Variants in PTPRS observed in about 807,000 individuals in gnomAD.
PTPRS encodes the protein receptor-type tyrosine-protein phosphatase S.
Under a neutral mutation model 215.3 loss-of-function variants are expected in PTPRS, and 63 were observed. The ratio of observed to expected loss-of-function variants is 0.29; its 90% confidence interval spans 0.24 to 0.36. The LOEUF (loss-of-function observed/expected upper bound fraction) is 0.36, where lower values mean the gene tolerates loss of function less well. Ranked by LOEUF, PTPRS falls within the 10% of genes least tolerant of loss-of-function variation. The pLI is 1.00. For missense variants in PTPRS, 2,258 were observed against 2,825.8 expected (o/e 0.80, Z 4.56); for synonymous variants, 1,404 against 1,191.4 (o/e 1.18, Z -3.68).
intron 2 of PTPRS, among the ~76,000 whole-genome samples, chr19:5,276,515 G>C (rs547702898): frequency 1.4e-5 from 2 of 147,366 alleles, no homozygotes; most frequent in Non-Finnish European, 3.0e-5. Flanking sequence ...GAGCCACTGC[G>C]CCTGGCCTGG....
intron 9 of PTPRS, among the ~76,000 whole-genome samples, chr19:5,254,150 G>A (rs893079444): frequency 1.3e-5 from 2 of 152,204 alleles, no homozygotes; most frequent in African/African-American, 4.8e-5. Context: ...TTTGGTGGAG[G>A]GGCTGGGAGA....
rs760500093 is a variant in PTPRS, at chr19:5,286,254, C to T, written c.-94-20G>A. On this transcript the variant is annotated intron_variant, in intron 1 of 37. Coordinates refer to ENST00000262963, the MANE Select transcript of PTPRS (RefSeq NM_002850.4). ...CAACGTCTGCAGAGACAATGGAGGG[C>T]TGTGAGAGGCGAGTGGGGAAATCCA... 2.4e-5 allele frequency: 28 copies of T among 1,164,372 alleles called. No individual in the cohort carries two copies. Among genetic ancestry groups the T allele is most frequent in the Middle Eastern group, 2.0e-4 (1 of 4,968 alleles). The allele number at this position is 1,164,372 out of a possible 1,614,324, so 72.1% of individuals were successfully genotyped here.
chr19:5,253,997 A>G (rs895679321), intron 9 of PTPRS, among the ~76,000 whole-genome samples: 1 of 152,126 alleles, frequency 6.6e-6, no homozygotes, highest in Non-Finnish European at 1.5e-5. Context: ...GTAGCCAGGG[A>G]GGGGCACAGA....
Position 5,245,875 on chromosome 19 carries a change from C to G in PTPRS, c.889G>C (p.Val297Leu). 1 of 1,614,060 alleles carries G rather than the reference C, an allele frequency of 6.2e-7. No individual in the cohort carries two copies. Among genetic ancestry groups the G allele is most frequent in the Non-Finnish European group, 8.5e-7 (1 of 1,179,998 alleles). Reference protein sequence around the residue: ...PEDDMPVGRNVLELTDVKDSA... With the variant: ...PEDDMPVGRNLLELTDVKDSA... ...TCCTTGACATCTGTGAGTTCCAGCA[C>G]GTTCCGACCCACGGGCATGTCATCC... The change falls in exon 10 of 38, where the codon GTG becomes CTG. Residue 297 changes from valine to leucine, a missense_variant. Val to Leu is a conservative substitution (Grantham distance 32). This residue lies in a region of PTPRS where 508 missense variants were observed against 799.4 expected (regional missense o/e 0.64). Transcript: ENST00000262963.
intron 16 of PTPRS, 53 bp downstream of exon 16, chr19:5,229,263 A>C: frequency 7.3e-7 from 1 of 1,361,448 alleles, no homozygotes; most frequent in Non-Finnish European, 9.5e-7. Context: ...ACAGCACAGC[A>C]CGGCCCGCGG....
At chr19:5,315,061 G>A (rs761923821) in intron 1 of PTPRS, among the ~76,000 whole-genome samples, 3 of 152,130 alleles carry the variant, frequency 2.0e-5, no homozygotes, top group African/African-American at 4.8e-5. Flanking sequence ...CCTTGTGTGG[G>A]AAGCTTTTGC....
chr19:5,313,185 G>A lies in PTPRS; in HGVS notation c.-94-26951C>T, dbSNP rs776149030. Among the ~76,000 whole-genome samples, 53 of 152,228 alleles carry A rather than the reference G, an allele frequency of 3.5e-4. 1 individual carries two copies. The highest frequency in any genetic ancestry group is 1.6e-4 in the Non-Finnish European group (11 of 68,052). ...GCCCGACTCAGCCTCCCAAAGTGCTGGGATGACAGGCATGAGCCACCGTGC... is the reference window on the plus strand; with the variant it reads ...GCCCGACTCAGCCTCCCAAAGTGCTAGGATGACAGGCATGAGCCACCGTGC... On this transcript the variant is annotated intron_variant, in intron 1 of 37. Coordinates refer to ENST00000262963, the MANE Select transcript of PTPRS (RefSeq NM_002850.4).
In PTPRS at chr19:5,244,433, G is replaced by A. The variant is rs1386972229; in HGVS notation, c.1038C>T (p.Thr346=). The change falls in exon 11 of 38, where the codon ACC becomes ACT. Residue 346 remains threonine, a synonymous_variant. Coordinates refer to ENST00000262963, the MANE Select transcript of PTPRS (RefSeq NM_002850.4). The surrounding 1 kb of genome is among the most constrained non-coding windows in gnomAD (Gnocchi z 7.2). ...CCGAGTCCCACGTGATGGTGATGCT[G>A]GTGGCTGTGTTCTCAGTCACCATGG... ...GTPMVTENTA[T]SITITWDSGN... is the part of the protein sequence containing the mutation. The A allele has an allele frequency of 3.1e-6, 5 of 1,614,060 alleles. No homozygotes were observed. The highest frequency in any genetic ancestry group is 2.7e-5 in the African/African-American group (2 of 74,932).
intron 4 of PTPRS, among the ~76,000 whole-genome samples, chr19:5,271,505 C>A (rs1300293160): frequency 3.3e-5 from 5 of 151,118 alleles, no homozygotes; most frequent in Non-Finnish European, 7.4e-5. Context: ...TCAAACGATC[C>A]TCTCCTGCCT....
intron 7 of PTPRS, 55 bp downstream of exon 7, chr19:5,260,750 C>G: frequency 6.2e-7 from 1 of 1,606,684 alleles, no homozygotes; most frequent in Non-Finnish European, 8.5e-7. Context: ...GCCTGAGGGG[C>G]TGAGTGGGCA....
chr19:5,208,272 C>T lies in PTPRS; in HGVS notation c.5607G>A (p.Gln1869=), dbSNP rs2040550880. ...CAGAGATGGGGCCGTCCTGGCCAAA[C>T]TGCTCCTTAGTCTTATGCACTTGGC... ...FIGQVHKTKE[Q]FGQDGPISVH... The change falls in exon 36 of 38, where the codon CAG becomes CAA. Residue 1869 remains glutamine (Q), a synonymous_variant. Transcript: ENST00000262963. 1 of 1,612,164 alleles carries T rather than the reference C, an allele frequency of 6.2e-7. No individual in the cohort carries two copies.
chr19:5,336,377 A>G (rs1568628195), intron 1 of PTPRS, among the ~76,000 whole-genome samples: 2 of 151,706 alleles, frequency 1.3e-5, no homozygotes, highest in Admixed American at 6.6e-5. Context: ...TCTGCGTGAG[A>G]CAACAGCCAC....
chr19:5,268,180 A>C (rs1255176831), intron 4 of PTPRS, among the ~76,000 whole-genome samples: 2 of 133,260 alleles, frequency 1.5e-5, no homozygotes, highest in African/African-American at 5.2e-5. Context: ...AAAATAAATA[A>C]ATAAATAAAT....
intron 16 of PTPRS, among the ~76,000 whole-genome samples, chr19:5,226,896 T>C (rs1352630250): frequency 1.3e-5 from 2 of 152,164 alleles, no homozygotes; most frequent in East Asian, 3.9e-4. Flanking sequence ...ATCTTGTCTA[T>C]TGCATCTGTA....
rs200496781 is a variant in PTPRS, at chr19:5,301,317, G to GTT, written c.-94-15085_-94-15084dup. 6.5e-3 allele frequency among the ~76,000 whole-genome samples: 894 copies of GTT among 137,436 alleles called. 11 individuals carry two copies. The highest frequency in any genetic ancestry group is 0.021 in the African/African-American group (762 of 37,050). The allele number at this position is 137,436 out of a possible 152,430, so 90.2% of individuals were successfully genotyped here. Reference sequence around the variant, plus strand: ...CGTCAAGTGTATTAAAGTTGTTGCTGTTTTTTTTTTTTTTTTGAGACAGAG... The same window carrying GTT: ...CGTCAAGTGTATTAAAGTTGTTGCTGTTTTTTTTTTTTTTTTTTGAGACAGAG... On this transcript the variant is annotated intron_variant, in intron 1 of 37. Transcript: ENST00000262963.
chr19:5,319,492 T>C (rs2049969267), intron 1 of PTPRS, among the ~76,000 whole-genome samples: 1 of 150,944 alleles, frequency 6.6e-6, no homozygotes, highest in Non-Finnish European at 1.5e-5. Context: ...TGCCTTCACC[T>C]GGTCCATCCC....
At chr19:5,278,842 G>A (rs898124674) in intron 2 of PTPRS, among the ~76,000 whole-genome samples, 1 of 152,086 alleles carries the variant, frequency 6.6e-6, no homozygotes, top group African/African-American at 2.4e-5. Context: ...GAGGAGGTGT[G>A]TATAAGCAAG....
chr19:5,289,550 G>C (rs368265681), intron 1 of PTPRS, among the ~76,000 whole-genome samples: 1 of 152,052 alleles, frequency 6.6e-6, no homozygotes, highest in East Asian at 1.9e-4. Context: ...GGTCCTGCAC[G>C]ACCTGCCCTG....
intron 1 of PTPRS, among the ~76,000 whole-genome samples, chr19:5,337,896 A>AT (rs1184905849): frequency 6.6e-6 from 1 of 152,090 alleles, no homozygotes; most frequent in African/African-American, 2.4e-5. Flanking sequence ...CAACCGGGGT[A>AT]TAAGGAGTGA....
Sources: allele counts gnomAD v4.1 joint callset (sites outside exome capture counted in the v4.1 genomes callset), GRCh38; gene constraint gnomAD v4.1.1; regional missense constraint gnomAD v4.1.1; non-coding constraint Gnocchi (gnomAD v3.1); transcripts MANE v1.5; gene names NCBI Gene and HGNC (gene_info 2026-07-23, HGNC 2026-07-21).